The following CSNK1G1 variants were observed in gnomAD, a reference collection of about 807,000 sequenced individuals.
CSNK1G1 encodes casein kinase I isoform gamma-1.
Under a neutral mutation model 59.6 loss-of-function variants are expected in CSNK1G1, and 22 were observed. The ratio of observed to expected loss-of-function variants is 0.37; its 90% confidence interval spans 0.26 to 0.53. The LOEUF (loss-of-function observed/expected upper bound fraction) is 0.53. Among genes scored for constraint, CSNK1G1 ranks in the 20% least tolerant of loss-of-function variants. The probability of loss-of-function intolerance (pLI) is 0.89; values close to 1 mark genes in which losing one functional copy is unlikely to be tolerated. For synonymous variants in CSNK1G1, 179 were observed against 177.1 expected, an observed-to-expected ratio of 1.01 and a Z score of -0.08; for missense variants, 384 against 519.5, an observed-to-expected ratio of 0.74 and a Z score of 2.54.
intron 4 of CSNK1G1, among the ~76,000 whole-genome samples, chr15:64,228,090 T>C (rs2082486287): frequency 6.6e-6 from 1 of 152,140 alleles, no homozygotes; most frequent in Non-Finnish European, 1.5e-5. Context: ...TATTTTTAAT[T>C]TTTAAGAAAT....
chr15:64,308,279 T>C (rs1394753067), intron 1 of CSNK1G1, among the ~76,000 whole-genome samples: 1 of 152,034 alleles, frequency 6.6e-6, no homozygotes, highest in Non-Finnish European at 1.5e-5. Context: ...TATATTTTTT[T>C]GTAGAGACGA....
At chr15:64,350,547 A>T (rs892524680) in intron 1 of CSNK1G1, among the ~76,000 whole-genome samples, 5 of 152,158 alleles carry the variant, frequency 3.3e-5, no homozygotes, top group African/African-American at 1.2e-4. Context: ...GAATTAAAAG[A>T]TGCATGAAGT....
intron 1 of CSNK1G1, among the ~76,000 whole-genome samples, chr15:64,305,968 C>A (rs1175278305): frequency 6.6e-6 from 1 of 151,998 alleles, no homozygotes. Context: ...AGATACAGAC[C>A]TTACATCTTT....
chr15:64,294,135 C>A (rs1269210493), intron 2 of CSNK1G1, among the ~76,000 whole-genome samples: 1 of 152,152 alleles, frequency 6.6e-6, no homozygotes, highest in African/African-American at 2.4e-5. Flanking sequence ...TGCAGTGGTG[C>A]AGTCTCAGCT....
At chr15:64,281,968 C>G (rs1015744526) in intron 2 of CSNK1G1, among the ~76,000 whole-genome samples, 6 of 151,174 alleles carry the variant, frequency 4.0e-5, no homozygotes, top group Admixed American at 4.0e-4. Flanking sequence ...GCTGCCCAGC[C>G]TGGAGTGTAG....
chr15:64,193,206 C>A (rs149930518), intron 10 of CSNK1G1, among the ~76,000 whole-genome samples: 1 of 151,732 alleles, frequency 6.6e-6, no homozygotes, highest in Non-Finnish European at 1.5e-5. Flanking sequence ...AAGAATGGAA[C>A]AGGAGCCAGC....
At chr15:64,254,522 T>C (rs1374211029) in intron 3 of CSNK1G1, among the ~76,000 whole-genome samples, 1 of 152,012 alleles carries the variant, frequency 6.6e-6, no homozygotes, top group Non-Finnish European at 1.5e-5. Context: ...TGGCTAATTT[T>C]TGTATTTTTA....
chr15:64,226,795 C>T (rs2082468877), intron 4 of CSNK1G1, among the ~76,000 whole-genome samples: 1 of 152,124 alleles, frequency 6.6e-6, no homozygotes, highest in African/African-American at 2.4e-5. Context: ...CCTGATTCTT[C>T]TTAAAATCCA....
At chr15:64,260,159 T>C (rs1010807517) in intron 2 of CSNK1G1, among the ~76,000 whole-genome samples, 2 of 152,186 alleles carry the variant, frequency 1.3e-5, no homozygotes, top group African/African-American at 2.4e-5. Context: ...TCTTACACGT[T>C]TGCCTTCTTA....
intron 2 of CSNK1G1, among the ~76,000 whole-genome samples, chr15:64,286,043 G>C (rs188852985): frequency 1.9e-4 from 29 of 152,266 alleles, no homozygotes; most frequent in Admixed American, 8.5e-4. Context: ...CAGTGCTGAG[G>C]TTCTTTACAT....
chr15:64,205,287 C>T (rs1018064464), intron 7 of CSNK1G1, among the ~76,000 whole-genome samples: 2 of 152,072 alleles, frequency 1.3e-5, no homozygotes, highest in African/African-American at 4.8e-5. Flanking sequence ...CCCATGGCCA[C>T]CATAATTCAA....
intron 10 of CSNK1G1, among the ~76,000 whole-genome samples, chr15:64,186,668 C>T (rs1016906606): frequency 5.3e-5 from 8 of 152,074 alleles, no homozygotes; most frequent in African/African-American, 1.9e-4. Context: ...TAGCACCACA[C>T]CTAGCCAATT....
chr15:64,204,006 G>A (rs1200885302), intron 9 of CSNK1G1, among the ~76,000 whole-genome samples: 3 of 151,874 alleles, frequency 2.0e-5, no homozygotes, highest in Non-Finnish European at 4.4e-5. Context: ...AGCCGGGCGT[G>A]GTGGTGTGTG....
In CSNK1G1 at chr15:64,188,363, G is replaced by T; in HGVS notation, c.1108-7909C>A. On this transcript the variant is annotated intron_variant, in intron 10 of 11. Coordinates refer to ENST00000303052, the MANE Select transcript of CSNK1G1 (RefSeq NM_022048.5). This position sits in a 1 kb window ranked among gnomAD's most constrained non-coding sequence, Gnocchi z 4.2. ...GGAAAGGCCAGGAAAAGGCAATAAA[G>T]GCAGTAAATACCTGCACTGATCCCC... The T allele has an allele frequency of 6.6e-7, 1 of 1,523,682 alleles. No individual in the cohort carries two copies. The highest frequency in any genetic ancestry group is 8.8e-7 in the Non-Finnish European group (1 of 1,136,452). The allele number at this position is 1,523,682 out of a possible 1,614,324, so 94.4% of individuals were successfully genotyped here. A position where few individuals can be genotyped will look rare whatever the true frequency, so the allele number is the denominator to read the frequency against.
intron 1 of CSNK1G1, among the ~76,000 whole-genome samples, chr15:64,355,402 T>C (rs981307034): frequency 1.3e-5 from 2 of 152,146 alleles, no homozygotes; most frequent in African/African-American, 2.4e-5. Context: ...TTGGGGGACA[T>C]TGCTCCTGTA....
chr15:64,248,599 AAT>A (rs1317484189), intron 4 of CSNK1G1, among the ~76,000 whole-genome samples: 1 of 152,206 alleles, frequency 6.6e-6, no homozygotes, highest in Non-Finnish European at 1.5e-5. Flanking sequence ...ACAATAAAAA[AAT>A]AGTCAATGCC....
chr15:64,176,324 G>A lies in CSNK1G1; in HGVS notation c.1214+4024C>T. The A allele has an allele frequency of 2.6e-6, 1 of 391,750 alleles. No individual in the cohort carries two copies. 24.3% of individuals were successfully genotyped at this position (391,750 alleles called of 1,614,324 possible). On this transcript the variant is annotated intron_variant, in intron 11 of 11. Coordinates refer to ENST00000303052, the MANE Select transcript of CSNK1G1 (RefSeq NM_022048.5). This position sits in a 1 kb window ranked among gnomAD's most constrained non-coding sequence, Gnocchi z 5.2. Reference sequence around the variant, plus strand: ...AAAGAGAAAAACACAGAAAGGAAGAGAGAGAAAGAGAGAGATATTAGTCCA... The same window carrying A: ...AAAGAGAAAAACACAGAAAGGAAGAAAGAGAAAGAGAGAGATATTAGTCCA...
chr15:64,195,542 T>C (rs2082027665), intron 10 of CSNK1G1, among the ~76,000 whole-genome samples: 1 of 152,264 alleles, frequency 6.6e-6, no homozygotes. Flanking sequence ...CTACATTTAC[T>C]GTGTTGAACA....
chr15:64,295,872 A>G (rs923779277), intron 2 of CSNK1G1, among the ~76,000 whole-genome samples: 13 of 152,156 alleles, frequency 8.5e-5, no homozygotes, highest in African/African-American at 2.9e-4. Flanking sequence ...AACACTTCAC[A>G]ATTTCGTCCC....
Sources: allele counts gnomAD v4.1 joint callset (sites outside exome capture counted in the v4.1 genomes callset), GRCh38; gene constraint gnomAD v4.1.1; non-coding constraint Gnocchi (gnomAD v3.1); transcripts MANE v1.5; gene names NCBI Gene and HGNC (gene_info 2026-07-23, HGNC 2026-07-21).